The following TNNT3 variants were observed in gnomAD, a reference collection of about 807,000 sequenced individuals.
The protein encoded by TNNT3 is troponin T, fast skeletal muscle.
A neutral mutation model predicts 54.2 loss-of-function variants in TNNT3; 36 were observed. The observed-to-expected ratio is 0.66, with a 90% CI of 0.51 to 0.88. The LOEUF (loss-of-function observed/expected upper bound fraction) is 0.88, where lower values mean the gene tolerates loss of function less well. TNNT3 is among the 40% of genes least tolerant of loss of function. The pLI is 0.00. For synonymous variants in TNNT3, 120 were observed against 109.7 expected (o/e 1.09, Z -0.59); for missense variants, 291 against 331.6 (o/e 0.88, Z 0.95).
rs772155683 is a variant in TNNT3 at position 1,922,900 on chromosome 11, C to T, written c.17+9C>T. 1.2e-6 allele frequency: 2 copies of T among 1,613,730 alleles called. No homozygotes were observed. Among genetic ancestry groups the T allele is most frequent in the Non-Finnish European group, 8.5e-7 (1 of 1,180,010 alleles). ...ATGTCTGACGAGGAAGTGTGAGTACCCAGCTGGTGGCTGCCCCCTGCCTGG... is the reference window on the plus strand; with the variant it reads ...ATGTCTGACGAGGAAGTGTGAGTACTCAGCTGGTGGCTGCCCCCTGCCTGG... On this transcript the variant is annotated intron_variant, in intron 2 of 15. Coordinates refer to ENST00000278317, the MANE Select transcript of TNNT3 (RefSeq NM_006757.4).
rs1001830487 is a variant in TNNT3 at position 1,937,021 on chromosome 11, C to A, written c.722+18C>A. The stretch of plus-strand genomic sequence containing the variant: ...CAGAAGCAGTGAGTAGCCCTGCCGT[C>A]CTCGCTCCGCACTGGGCACAGGGGC... On this transcript the variant is annotated intron_variant, in intron 15 of 15. Coordinates refer to ENST00000278317, the MANE Select transcript of TNNT3 (RefSeq NM_006757.4). 1.3e-6 allele frequency: 2 copies of A among 1,584,662 alleles called. No homozygotes were observed. The highest frequency in any genetic ancestry group is 1.8e-5 in the Admixed American group (1 of 55,666).
intron 1 of TNNT3, among the ~76,000 whole-genome samples, chr11:1,919,971 G>A (rs1022322264): frequency 6.6e-6 from 1 of 152,218 alleles, no homozygotes; most frequent in Non-Finnish European, 1.5e-5. Flanking sequence ...GGACATGGTG[G>A]TGTGATGGTC....
chr11:1,925,227 C>T, intron 5 of TNNT3, 111 bp downstream of exon 5: 1 of 1,607,936 alleles, frequency 6.2e-7, no homozygotes, highest in South Asian at 1.1e-5. Flanking sequence ...CCTGTCTAAC[C>T]CTCTCCTCTC....
intron 14 of TNNT3, chr11:1,936,267 G>T (rs921532600): frequency 6.2e-7 from 1 of 1,613,698 alleles, no homozygotes; most frequent in Non-Finnish European, 8.5e-7. Flanking sequence ...AAGTAGCCGG[G>T]TCCGCCCTGG....
intron 14 of TNNT3, chr11:1,936,235 G>C (rs1021373472): frequency 1.2e-5 from 19 of 1,613,900 alleles, no homozygotes; most frequent in Non-Finnish European, 1.6e-5. Flanking sequence ...CCGGGCCAGA[G>C]TGCAGATGCT....
intron 5 of TNNT3, chr11:1,925,343 TGGGGGAGA>T (rs1564803353): frequency 1.7e-6 from 2 of 1,177,600 alleles, no homozygotes; most frequent in Non-Finnish European, 2.5e-6. Context: ...CATGTGGGGG[TGGGGGAGA>T]GGGGGAGAGG....
Position 1,938,649 on chromosome 11 carries a change from G to T in TNNT3, c.*157G>T. On this transcript the variant is annotated 3_prime_UTR_variant, in exon 16 of 16. Coordinates refer to ENST00000278317, the MANE Select transcript of TNNT3 (RefSeq NM_006757.4). ...CCATCCCGGGGCGTCCCCCGCGTCT[G>T]TGTCCTTGCTGCCTTCATCCCCTGG... 1 of 760,618 alleles carries T rather than the reference G, an allele frequency of 1.3e-6. No individual in the cohort carries two copies. Among genetic ancestry groups the T allele is most frequent in the Non-Finnish European group, 2.3e-6 (1 of 430,232 alleles). The allele number at this position is 760,618 out of a possible 1,614,324, so 47.1% of individuals were successfully genotyped here. A position where few individuals can be genotyped will look rare whatever the true frequency, so the allele number is the denominator to read the frequency against.
chr11:1,926,643 C>T (rs1452994590), intron 5 of TNNT3, 52 bp from the exon 6 acceptor site: 2 of 1,612,774 alleles, frequency 1.2e-6, no homozygotes, highest in Non-Finnish European at 8.5e-7. Flanking sequence ...ACCACTCACA[C>T]TGGTCCTCTC....
chr11:1,934,662 G>T lies in TNNT3; in HGVS notation c.590+7G>T. 6.2e-7 allele frequency: 1 copy of T among 1,608,684 alleles called. No homozygotes were observed. Among genetic ancestry groups the T allele is most frequent in the Non-Finnish European group, 8.5e-7 (1 of 1,178,030 alleles). ...TTGGTGAAGACAAACTGAGGTGAGG[G>T]GTGGGTGTTGTGGGGCTCAGCCCCA... On this transcript the variant is annotated splice_region_variant and intron_variant, in intron 13 of 15. Transcript: ENST00000278317.
chr11:1,922,756 A>C, intron 1 of TNNT3, 101 bp from the exon 2 acceptor site: 7 of 1,140,846 alleles, frequency 6.1e-6, no homozygotes, highest in Non-Finnish European at 6.5e-6. Context: ...GCGGTCCCCC[A>C]CAGCGCTGCT....
rs369718100 is a variant in TNNT3 at position 1,926,727 on chromosome 11, C to G, written c.82+18C>G. 3.1e-6 allele frequency: 5 copies of G among 1,613,166 alleles called. No individual in the cohort carries two copies. Among genetic ancestry groups the G allele is most frequent in the Non-Finnish European group, 4.2e-6 (5 of 1,180,032 alleles). Reference sequence around the variant, plus strand: ...TCAAGAAGGTACGCCGGCGCTCCCCCGCCTCCAGGCCAGAGTCTCCGTCCT... The same window carrying G: ...TCAAGAAGGTACGCCGGCGCTCCCCGGCCTCCAGGCCAGAGTCTCCGTCCT... On this transcript the variant is annotated intron_variant, in intron 6 of 15. Transcript: ENST00000278317.
rs375472184 is a variant in TNNT3 at position 1,926,725 on chromosome 11, C to A, written c.82+16C>A. ...GTTCAAGAAGGTACGCCGGCGCTCC[C>A]CCGCCTCCAGGCCAGAGTCTCCGTC... On this transcript the variant is annotated intron_variant, in intron 6 of 15. Transcript: ENST00000278317. 12 of 1,613,120 alleles carry A rather than the reference C, an allele frequency of 7.4e-6. No homozygotes were observed. In the African/African-American group the frequency reaches 1.6e-4, roughly 22 times the overall value.
chr11:1,938,373 G>A, intron 15 of TNNT3, 65 bp from the exon 16 acceptor site: 7 of 1,573,572 alleles, frequency 4.4e-6, no homozygotes, highest in Non-Finnish European at 5.2e-6. Context: ...CGCCCAGGGT[G>A]GGGGACCAGG....
intron 3 of TNNT3, 80 bp downstream of exon 3, chr11:1,923,141 T>C (rs1414991300): frequency 1.9e-6 from 3 of 1,578,722 alleles, no homozygotes; most frequent in East Asian, 4.5e-5. Flanking sequence ...GGACTGTGCA[T>C]ACCCTGTGTC....
rs760043392 is a variant in TNNT3, at chr11:1,923,562, CGAA to C, written c.47_49del (p.Glu18del). ...TGTTCTGTCCCAATGCAGAGCAGTA[CGAA>C]GAAGAAGGTAATTCTGGCAACCACC... is the stretch of plus-strand genomic sequence containing the variant. On this transcript the variant is annotated inframe_deletion, in exon 4 of 16. Transcript: ENST00000278317. 203 of 1,613,944 alleles carry C rather than the reference CGAA, an allele frequency of 1.3e-4. No homozygotes were observed. In the East Asian group the frequency reaches 1.6e-3, roughly 13 times the overall value.
intron 1 of TNNT3, 21 bp from the exon 2 acceptor site, chr11:1,922,836 T>C: frequency 6.2e-7 from 1 of 1,608,900 alleles, no homozygotes; most frequent in South Asian, 1.1e-5. Context: ...TCTCTCTCTC[T>C]CTCTGAATCT....
rs147535560 is a variant in TNNT3 at position 1,938,528 on chromosome 11, C to T, written c.*36C>T. On this transcript the variant is annotated 3_prime_UTR_variant, in exon 16 of 16. Transcript: ENST00000278317. Reference sequence around the variant, plus strand: ...AAGGCCCCTCGAGGCAGAGACCCTCCGCCCTCTTGCACACCAGGGCCGCTC... The same window carrying T: ...AAGGCCCCTCGAGGCAGAGACCCTCTGCCCTCTTGCACACCAGGGCCGCTC... 1.9e-3 allele frequency: 3,045 copies of T among 1,605,742 alleles called. 84 individuals carry two copies. The Admixed American group carries it at 0.045, about 24-fold the overall frequency.
Position 1,934,221 on chromosome 11 carries a change from C to T in TNNT3, c.367-111C>T. ...GCTTCCTTCCAGATAGTTCTAAGCC[C>T]AGGGTGGGCCCTTCCAGACAGCTCT... On this transcript the variant is annotated intron_variant, in intron 11 of 15. Coordinates refer to ENST00000278317, the MANE Select transcript of TNNT3 (RefSeq NM_006757.4). 7.0e-6 allele frequency: 8 copies of T among 1,135,342 alleles called. No individual in the cohort carries two copies. In the South Asian group the frequency reaches 1.1e-4, roughly 15 times the overall value. 70.3% of individuals were successfully genotyped at this position (1,135,342 alleles called of 1,614,324 possible). A position where few individuals can be genotyped will look rare whatever the true frequency, so the allele number is the denominator to read the frequency against.
At chr11:1,926,066 C>G (rs1564805347) in intron 5 of TNNT3, among the ~76,000 whole-genome samples, 1 of 152,174 alleles carries the variant, frequency 6.6e-6, no homozygotes, top group Non-Finnish European at 1.5e-5. Flanking sequence ...GCCACCCGGC[C>G]AGGCTACAAC....
Sources: gnomAD v4.1 joint callset for allele counts (sites outside exome capture counted in the v4.1 genomes callset) on GRCh38, gnomAD v4.1.1 for gene constraint, MANE v1.5 for transcripts, NCBI Gene and HGNC (gene_info 2026-07-23, HGNC 2026-07-21) for gene names.